KCNAB1: variants seen among roughly 807,000 people sequenced by gnomAD.
KCNAB1 encodes the protein voltage-gated potassium channel subunit beta-1.
In KCNAB1, 35 loss-of-function variants were observed where a neutral mutation model predicts 64.6. The ratio of observed to expected loss-of-function variants is 0.54; its 90% CI spans 0.41 to 0.72. KCNAB1 has a LOEUF of 0.72. Ranked by LOEUF, KCNAB1 falls within the 30% of genes least tolerant of loss-of-function variation. The pLI is 0.00. For synonymous variants in KCNAB1, 177 were observed against 183.8 expected (o/e 0.96, Z 0.30); for missense variants, 401 against 512.9 (o/e 0.78, Z 2.11).
At chr3:156,286,490 A>G (rs1720105726) in intron 1 of KCNAB1, among the ~76,000 whole-genome samples, 2 of 152,242 alleles carry the variant, frequency 1.3e-5, no homozygotes, top group South Asian at 4.1e-4. Flanking sequence ...CCAATGGAAT[A>G]TAAACCGTAA....
chr3:156,445,229 G>T (rs1384781932), intron 2 of KCNAB1, among the ~76,000 whole-genome samples: 2 of 152,176 alleles, frequency 1.3e-5, no homozygotes, highest in Admixed American at 6.5e-5. Flanking sequence ...CTGGGAGGCG[G>T]AAGTTGCAGT....
At chr3:156,262,279 G>A (rs1718475766) in intron 1 of KCNAB1, among the ~76,000 whole-genome samples, 1 of 151,886 alleles carries the variant, frequency 6.6e-6, no homozygotes, top group Non-Finnish European at 1.5e-5. Flanking sequence ...TGTCTTAGGG[G>A]AAAAACATTT....
intron 11 of KCNAB1, among the ~76,000 whole-genome samples, chr3:156,518,172 T>G (rs920854462): frequency 1.3e-5 from 2 of 152,178 alleles, no homozygotes; most frequent in African/African-American, 4.8e-5. Context: ...TTGGGAAATA[T>G]TTCTATTGGT....
intron 1 of KCNAB1, among the ~76,000 whole-genome samples, chr3:156,127,931 G>C (rs935490775): frequency 9.2e-5 from 13 of 140,922 alleles, no homozygotes; most frequent in Admixed American, 4.3e-4. Flanking sequence ...ACGTGCGTGC[G>C]CACCTGGTTT....
At chr3:156,292,722 T>A (rs1720520647) in intron 1 of KCNAB1, among the ~76,000 whole-genome samples, 1 of 152,154 alleles carries the variant, frequency 6.6e-6, no homozygotes, top group Non-Finnish European at 1.5e-5. Flanking sequence ...TTTATGTTTT[T>A]AATAGAAAAG....
intron 1 of KCNAB1, among the ~76,000 whole-genome samples, chr3:156,177,346 G>A (rs941606190): frequency 1.3e-5 from 2 of 152,008 alleles, no homozygotes; most frequent in African/African-American, 4.8e-5. Flanking sequence ...AATAACTAAT[G>A]CAAATTTGAA....
intron 1 of KCNAB1, among the ~76,000 whole-genome samples, chr3:156,168,935 C>T (rs1339129075): frequency 6.6e-6 from 1 of 152,194 alleles, no homozygotes; most frequent in Admixed American, 6.5e-5. Flanking sequence ...CTTCTTGCCT[C>T]CATGACTCTG....
intron 7 of KCNAB1, among the ~76,000 whole-genome samples, chr3:156,469,272 T>G (rs1251475630): frequency 1.4e-5 from 2 of 141,340 alleles, no homozygotes; most frequent in Admixed American, 7.1e-5. Context: ...TTTTTTTTTT[T>G]TGGAGACAGA....
chr3:156,382,529 C>G (rs1712244686), intron 1 of KCNAB1, among the ~76,000 whole-genome samples: 1 of 152,006 alleles, frequency 6.6e-6, no homozygotes, highest in Non-Finnish European at 1.5e-5. Flanking sequence ...ACCAACCAAC[C>G]AACCAAACAG....
At chr3:156,516,416 AG>A in intron 11 of KCNAB1, 52 bp downstream of exon 11, 1 of 1,319,922 alleles carries the variant, frequency 7.6e-7, no homozygotes, top group Non-Finnish European at 1.1e-6. Context: ...GGAGGGAAGA[AG>A]GTTGGTAAGA....
At chr3:156,403,838 G>A (rs1174571820) in intron 1 of KCNAB1, among the ~76,000 whole-genome samples, 1 of 151,558 alleles carries the variant, frequency 6.6e-6, no homozygotes. Context: ...AGGTTGCAGT[G>A]AGCTGAGATC....
intron 1 of KCNAB1, among the ~76,000 whole-genome samples, chr3:156,251,092 G>C (rs1717804288): frequency 6.6e-6 from 1 of 152,212 alleles, no homozygotes; most frequent in South Asian, 2.1e-4. Flanking sequence ...TGAAGAGTTT[G>C]AGTTACTGAT....
intron 1 of KCNAB1, chr3:156,175,716 T>C (rs2108334474): frequency 1.9e-6 from 1 of 527,640 alleles, no homozygotes; most frequent in Non-Finnish European, 3.6e-6. Flanking sequence ...ATAGCAGTGG[T>C]TTTTGGAATA....
At chr3:156,466,923 T>C (rs1366654884) in intron 7 of KCNAB1, among the ~76,000 whole-genome samples, 2 of 152,102 alleles carry the variant, frequency 1.3e-5, no homozygotes, top group Admixed American at 6.6e-5. Flanking sequence ...GAGTTTATAC[T>C]AGTTCGTGAA....
chr3:156,146,286 T>G (rs1715035116), intron 1 of KCNAB1, among the ~76,000 whole-genome samples: 1 of 152,114 alleles, frequency 6.6e-6, no homozygotes, highest in East Asian at 1.9e-4. Context: ...AAATAGAAGT[T>G]TTAAAATTCA....
At chr3:156,167,493 A>T (rs750987967) in intron 1 of KCNAB1, among the ~76,000 whole-genome samples, 5 of 152,176 alleles carry the variant, frequency 3.3e-5, no homozygotes, top group African/African-American at 4.8e-5. Flanking sequence ...TTCTTTTTTA[A>T]CCAATAAGCT....
At chr3:156,346,448 A>C (rs917204747) in intron 1 of KCNAB1, among the ~76,000 whole-genome samples, 8 of 152,202 alleles carry the variant, frequency 5.3e-5, no homozygotes, top group Non-Finnish European at 1.0e-4. Flanking sequence ...TAGCAGAAGC[A>C]TCATGTCTCC....
chr3:156,437,408 T>C (rs1464049146), intron 2 of KCNAB1, among the ~76,000 whole-genome samples: 1 of 152,190 alleles, frequency 6.6e-6, no homozygotes, highest in African/African-American at 2.4e-5. Flanking sequence ...ATAAAATATG[T>C]AGGAACAATA....
chr3:156,285,115 T>A (rs915925027), intron 1 of KCNAB1, among the ~76,000 whole-genome samples: 1 of 152,332 alleles, frequency 6.6e-6, no homozygotes, highest in African/African-American at 2.4e-5. Context: ...AAACAAGGGA[T>A]AAGAAAGCAT....
Sources: allele counts gnomAD v4.1 joint callset (sites outside exome capture counted in the v4.1 genomes callset), GRCh38; gene constraint gnomAD v4.1.1; transcripts MANE v1.5; gene names NCBI Gene and HGNC (gene_info 2026-07-23, HGNC 2026-07-21).